ADAMTS3: variants seen among roughly 807,000 people sequenced by gnomAD.
ADAMTS3 encodes A disintegrin and metalloproteinase with thrombospondin motifs 3.
A neutral mutation model predicts 129.0 loss-of-function variants in ADAMTS3; 73 were observed. The observed-to-expected ratio is 0.57, with a 90% CI of 0.47 to 0.69. The LOEUF is 0.69. Among genes scored for constraint, ADAMTS3 ranks in the 30% least tolerant of loss-of-function variants. The pLI, the probability that ADAMTS3 is intolerant of heterozygous loss-of-function variation, is 0.00. For missense variants in ADAMTS3, 1,457 were observed against 1,514.5 expected (o/e 0.96, Z 0.63); for synonymous variants, 477 against 510.8 (o/e 0.93, Z 0.89).
At chr4:72,439,462 TC>T (rs1483437841) in intron 3 of ADAMTS3, among the ~76,000 whole-genome samples, 1 of 151,724 alleles carries the variant, frequency 6.6e-6, no homozygotes, top group Non-Finnish European at 1.5e-5. Context: ...ATAATAGTCA[TC>T]AGTTTCCTTA....
chr4:72,534,993 G>A (rs1165211748), intron 3 of ADAMTS3, among the ~76,000 whole-genome samples: 1 of 152,132 alleles, frequency 6.6e-6, no homozygotes, highest in Non-Finnish European at 1.5e-5. Flanking sequence ...GTCTAGGTGT[G>A]ACACCACAAT....
intron 15 of ADAMTS3, among the ~76,000 whole-genome samples, chr4:72,307,677 A>G (rs1018579370): frequency 2.0e-5 from 3 of 152,062 alleles, no homozygotes; most frequent in Non-Finnish European, 4.4e-5. Flanking sequence ...TTAATAGTCA[A>G]TGAAAGTAAG....
chr4:72,509,573 T>A (rs553073897), intron 3 of ADAMTS3, among the ~76,000 whole-genome samples: 1 of 151,714 alleles, frequency 6.6e-6, no homozygotes, highest in South Asian at 2.1e-4. Context: ...CACGAAGAAA[T>A]CCAAAATCTG....
intron 15 of ADAMTS3, 21 bp from the exon 16 acceptor site, chr4:72,306,088 T>C (rs1719082355): frequency 4.5e-6 from 7 of 1,568,042 alleles, no homozygotes; most frequent in African/African-American, 1.4e-5. Flanking sequence ...GTAGTAAATA[T>C]TGTAGGAAGC....
chr4:72,458,688 CA>C (rs917107656), intron 3 of ADAMTS3, among the ~76,000 whole-genome samples: 4 of 151,532 alleles, frequency 2.6e-5, no homozygotes, highest in African/African-American at 9.7e-5. Flanking sequence ...ACACCACTCC[CA>C]ACCTATGATT....
At chr4:72,544,143 T>C (rs1293813968) in intron 3 of ADAMTS3, among the ~76,000 whole-genome samples, 4 of 152,176 alleles carry the variant, frequency 2.6e-5, no homozygotes, top group Admixed American at 6.5e-5. Context: ...AATCTCTTGA[T>C]ACATTTAGTA....
At chr4:72,463,894 A>T (rs926823145) in intron 3 of ADAMTS3, among the ~76,000 whole-genome samples, 2 of 151,846 alleles carry the variant, frequency 1.3e-5, no homozygotes, top group Non-Finnish European at 2.9e-5. Context: ...TCATCAATTT[A>T]ACATCCTAGC....
At chr4:72,317,650 A>T (rs1242207615) in intron 10 of ADAMTS3, among the ~76,000 whole-genome samples, 1 of 152,172 alleles carries the variant, frequency 6.6e-6, no homozygotes, top group Non-Finnish European at 1.5e-5. Context: ...CACCAATCTT[A>T]TCAGATACAT....
At position 72,306,014 on chromosome 4, in the gene ADAMTS3, C is replaced by T; in HGVS notation, c.2233G>A (p.Glu745Lys). 6.2e-7 allele frequency: 1 copy of T among 1,611,878 alleles called. No individual in the cohort carries two copies. The highest frequency in any genetic ancestry group is 8.5e-7 in the Non-Finnish European group (1 of 1,178,786). Reference sequence around the variant, plus strand: ...AGAATATGAGGAGAAGCCTCGTCTTCTTGGATTAACACATGTCTAGCCCCA... The same window carrying T: ...AGAATATGAGGAGAAGCCTCGTCTTTTTGGATTAACACATGTCTAGCCCCA... The part of the protein sequence containing the change: ...PPGARHVLIQ[E>K]DEASPHILAI... The change falls in exon 16 of 22, where the codon GAA (glutamate) becomes AAA (lysine). Residue 745 changes from glutamate to lysine, a missense_variant. Physicochemically the swap from Glu to Lys is moderately conservative, Grantham distance 56. Coordinates refer to ENST00000286657, the MANE Select transcript of ADAMTS3 (RefSeq NM_014243.3).
rs904461455 is a variant in ADAMTS3, at chr4:72,437,001, A to G, written c.505-22030T>C. Among the ~76,000 whole-genome samples, 3 of 151,864 alleles carry G rather than the reference A, an allele frequency of 2.0e-5. No homozygotes were observed. In the Admixed American group the frequency reaches 2.0e-4, roughly 10 times the overall value. On this transcript the variant is annotated intron_variant, in intron 3 of 21. Transcript: ENST00000286657. ...GCACATGTACCCTAGAACTTAAAATATAATAATAATAATAAAAAGAGGTGG... is the reference window on the plus strand; with the variant it reads ...GCACATGTACCCTAGAACTTAAAATGTAATAATAATAATAAAAAGAGGTGG...
chr4:72,521,125 A>G (rs796851), intron 3 of ADAMTS3, among the ~76,000 whole-genome samples: 98,940 of 151,614 alleles, frequency 0.65, 32,917 homozygotes, highest in African/African-American at 0.79. Context: ...AGCCTCCAGA[A>G]TAGCTGATAC....
intron 4 of ADAMTS3, among the ~76,000 whole-genome samples, chr4:72,385,449 A>G (rs992281472): frequency 4.6e-5 from 7 of 152,208 alleles, no homozygotes; most frequent in Non-Finnish European, 7.4e-5. Context: ...GGTAGGACAA[A>G]CAGACAGTAA....
intron 4 of ADAMTS3, among the ~76,000 whole-genome samples, chr4:72,391,748 TA>T (rs995530236): frequency 6.7e-6 from 1 of 150,086 alleles, no homozygotes; most frequent in African/African-American, 2.5e-5. Flanking sequence ...TAGTGAAGGT[TA>T]AAAAAAAACA....
At chr4:72,291,377 A>T (rs1479496748) in intron 19 of ADAMTS3, among the ~76,000 whole-genome samples, 1 of 149,662 alleles carries the variant, frequency 6.7e-6, no homozygotes, top group African/African-American at 2.4e-5. Flanking sequence ...CATTAGGTAT[A>T]TCTTCTAATA....
At chr4:72,556,948 T>C (rs1448403006) in intron 2 of ADAMTS3, among the ~76,000 whole-genome samples, 3 of 151,626 alleles carry the variant, frequency 2.0e-5, no homozygotes, top group Non-Finnish European at 4.4e-5. Context: ...GTGATACAGT[T>C]AGAAGGACCT....
intron 3 of ADAMTS3, among the ~76,000 whole-genome samples, chr4:72,477,426 T>G (rs1400766213): frequency 2.6e-5 from 4 of 152,162 alleles, no homozygotes; most frequent in Middle Eastern, 6.8e-3. Flanking sequence ...CTGAACAACC[T>G]GCTCCTGAAT....
At chr4:72,543,315 A>G (rs959516454) in intron 3 of ADAMTS3, among the ~76,000 whole-genome samples, 3 of 152,142 alleles carry the variant, frequency 2.0e-5, no homozygotes, top group Non-Finnish European at 4.4e-5. Flanking sequence ...ATTTTTTTCC[A>G]AAAATTAAAA....
intron 3 of ADAMTS3, among the ~76,000 whole-genome samples, chr4:72,444,635 C>T (rs992867577): frequency 7.3e-5 from 11 of 151,702 alleles, no homozygotes; most frequent in Non-Finnish European, 1.5e-4. Flanking sequence ...CAAAGTCTTA[C>T]ACATAGAAAT....
chr4:72,562,493 A>T (rs1721926337), intron 2 of ADAMTS3, among the ~76,000 whole-genome samples: 1 of 152,206 alleles, frequency 6.6e-6, no homozygotes, highest in Non-Finnish European at 1.5e-5. Context: ...ATTAGAGTTT[A>T]TTAGTATGAT....
Sources: allele counts gnomAD v4.1 joint callset (sites outside exome capture counted in the v4.1 genomes callset), GRCh38; gene constraint gnomAD v4.1.1; transcripts MANE v1.5; gene names NCBI Gene and HGNC (gene_info 2026-07-23, HGNC 2026-07-21).